C12orf75: variants seen among roughly 807,000 people sequenced by gnomAD.
The protein encoded by C12orf75 is chromosome 12 open reading frame 75.
A neutral mutation model predicts 11.4 loss-of-function variants in C12orf75; 4 were observed. The observed-to-expected ratio is 0.35, with a 90% CI of 0.17 to 0.80. The LOEUF is 0.80. C12orf75 is among the 30% of genes least tolerant of loss of function. The pLI is 0.52. For missense variants in C12orf75, 89 were observed against 80.4 expected, an observed-to-expected ratio of 1.11 and a Z score of -0.41; for synonymous variants, 30 against 30.0, an observed-to-expected ratio of 1.00 and a Z score of 0.00.
intron 1 of C12orf75, among the ~76,000 whole-genome samples, chr12:105,334,131 C>T (rs1302375787): frequency 6.6e-6 from 1 of 152,170 alleles, no homozygotes; most frequent in Non-Finnish European, 1.5e-5. Flanking sequence ...GATGGATCAG[C>T]CCCTTGATAA....
chr12:105,348,282 G>A (rs746351732), intron 1 of C12orf75, among the ~76,000 whole-genome samples: 1 of 152,092 alleles, frequency 6.6e-6, no homozygotes, highest in Non-Finnish European at 1.5e-5. Context: ...AGGCATGGTG[G>A]TATGCACCTG....
chr12:105,334,125 G>A (rs7954485), intron 1 of C12orf75, among the ~76,000 whole-genome samples: 2 of 152,072 alleles, frequency 1.3e-5, no homozygotes, highest in African/African-American at 4.8e-5. Flanking sequence ...TAGTGAGATG[G>A]ATCAGCCCCT....
chr12:105,336,270 C>A (rs570764084), intron 1 of C12orf75, among the ~76,000 whole-genome samples: 1 of 152,192 alleles, frequency 6.6e-6, no homozygotes, highest in Non-Finnish European at 1.5e-5. Context: ...GGCACTGAGG[C>A]CACAGAGTTG....
intron 1 of C12orf75, among the ~76,000 whole-genome samples, chr12:105,345,519 T>C (rs573770837): frequency 5.9e-5 from 9 of 151,894 alleles, no homozygotes; most frequent in Non-Finnish European, 1.2e-4. Flanking sequence ...AGTCAAAGTA[T>C]TTTACCCCAA....
At chr12:105,350,104 C>T (rs899985516) in intron 2 of C12orf75, among the ~76,000 whole-genome samples, 6 of 152,154 alleles carry the variant, frequency 3.9e-5, no homozygotes, top group Admixed American at 6.5e-5. Context: ...GCACCCTGAC[C>T]GTATTCCTAT....
intron 2 of C12orf75, among the ~76,000 whole-genome samples, chr12:105,361,046 G>C (rs1053806724): frequency 1.3e-5 from 2 of 152,096 alleles, no homozygotes; most frequent in African/African-American, 2.4e-5. Context: ...AAAGTGTTGG[G>C]ATTAAAGGTG....
At chr12:105,345,506 A>AG (rs1450095078) in intron 1 of C12orf75, among the ~76,000 whole-genome samples, 1 of 151,880 alleles carries the variant, frequency 6.6e-6, no homozygotes, top group African/African-American at 2.4e-5. Flanking sequence ...TAAAAAAAAA[A>AG]GAAGTCAAAG....
chr12:105,352,396 G>T (rs1892723939), intron 2 of C12orf75, among the ~76,000 whole-genome samples: 1 of 152,118 alleles, frequency 6.6e-6, no homozygotes, highest in African/African-American at 2.4e-5. Context: ...GCTTTAAGAG[G>T]AGGCAAATTT....
At chr12:105,348,683 T>A in intron 2 of C12orf75, 57 bp downstream of exon 2, 1 of 1,212,428 alleles carries the variant, frequency 8.2e-7, no homozygotes. Context: ...GTTGCTGTTT[T>A]TCATGATTAT....
chr12:105,361,492 C>T lies in C12orf75; in HGVS notation c.72-4315C>T, dbSNP rs186986538. ...ATCCCAGTTTTGAACAGCCACTTCT[C>T]TTACCAAAAAAACGACCTTTAGGGA... On this transcript the variant is annotated intron_variant, in intron 2 of 5. Coordinates refer to ENST00000443585, the MANE Select transcript of C12orf75 (RefSeq NM_001145199.2). Among the ~76,000 whole-genome samples, 587 of 152,242 alleles carry T rather than the reference C, an allele frequency of 3.9e-3. 7 individuals carry two copies. Among genetic ancestry groups the T allele is most frequent in the Non-Finnish European group, 2.4e-3 (162 of 68,014 alleles).
chr12:105,347,281 A>G (rs889407140), intron 1 of C12orf75, among the ~76,000 whole-genome samples: 3 of 152,224 alleles, frequency 2.0e-5, no homozygotes, highest in African/African-American at 7.2e-5. Context: ...AGATGAATGT[A>G]TGAAGGGGAA....
At chr12:105,348,501 T>G in intron 1 of C12orf75, 101 bp from the exon 2 acceptor site, 1 of 709,148 alleles carries the variant, frequency 1.4e-6, no homozygotes, top group Non-Finnish European at 2.1e-6. Context: ...TTAAACCCAT[T>G]TTCTCTTCAG....
At position 105,366,699 on chromosome 12, in the gene C12orf75, A is replaced by G; in HGVS notation, c.187+3A>G. On this transcript the variant is annotated splice_donor_region_variant and intron_variant, in intron 4 of 5. Coordinates refer to ENST00000443585, the MANE Select transcript of C12orf75 (RefSeq NM_001145199.2). The stretch of plus-strand genomic sequence containing the variant: ...TCAAACAAAGACGGTTCGGAAAAGT[A>G]AGTGAAATCATGTGCTGTTGATTTT... The G allele has an allele frequency of 6.7e-7, 1 of 1,484,140 alleles. No homozygotes were observed. The allele number at this position is 1,484,140 out of a possible 1,614,324, so 91.9% of individuals were successfully genotyped here.
chr12:105,367,569 G>T, intron 5 of C12orf75, 60 bp downstream of exon 5: 1 of 416,296 alleles, frequency 2.4e-6, no homozygotes, highest in Non-Finnish European at 4.5e-6. Context: ...ATGGACTGTA[G>T]ATATTATTTG....
intron 2 of C12orf75, among the ~76,000 whole-genome samples, chr12:105,361,414 C>A (rs1474351254): frequency 6.6e-6 from 1 of 152,120 alleles, no homozygotes; most frequent in Non-Finnish European, 1.5e-5. Context: ...GGATTCAAAT[C>A]CCAAAGACTT....
intron 3 of C12orf75, 186 bp from the exon 4 acceptor site, chr12:105,366,431 A>T: frequency 2.5e-6 from 1 of 395,664 alleles, no homozygotes; most frequent in African/African-American, 2.1e-5. Flanking sequence ...TTTTTTTAAA[A>T]AAAATAGCTT....
intron 2 of C12orf75, among the ~76,000 whole-genome samples, chr12:105,357,200 C>T (rs1892795084): frequency 6.6e-6 from 1 of 152,228 alleles, no homozygotes; most frequent in Non-Finnish European, 1.5e-5. Context: ...TGGATCAGCA[C>T]TGCTATTCAC....
intron 2 of C12orf75, 24 bp from the exon 3 acceptor site, chr12:105,365,783 T>A: frequency 6.5e-7 from 1 of 1,533,370 alleles, no homozygotes; most frequent in East Asian, 2.5e-5. Context: ...AAGTGTCTCA[T>A]AGCAAATGTT....
In C12orf75 at chr12:105,367,438, T is replaced by C. The variant is rs1488381426; in HGVS notation, c.188-34T>C. The stretch of plus-strand genomic sequence containing the variant: ...AAATTAGAATATGCTATTTATAATC[T>C]GAACATTTAACTTTTCTTAATTTTC... On this transcript the variant is annotated intron_variant, in intron 4 of 5. Coordinates refer to ENST00000443585, the MANE Select transcript of C12orf75 (RefSeq NM_001145199.2). 5 of 753,126 alleles carry C rather than the reference T, an allele frequency of 6.6e-6. No individual in the cohort carries two copies. In the South Asian group the frequency reaches 9.6e-5, roughly 14 times the overall value. 46.7% of individuals were successfully genotyped at this position (753,126 alleles called of 1,614,324 possible).
Sources: gnomAD v4.1 joint callset for allele counts (sites outside exome capture counted in the v4.1 genomes callset) on GRCh38, gnomAD v4.1.1 for gene constraint, MANE v1.5 for transcripts, NCBI Gene and HGNC (gene_info 2026-07-23, HGNC 2026-07-21) for gene names.